TOMM20L: variants seen among roughly 807,000 people sequenced by gnomAD.
TOMM20L encodes the protein translocase of outer mitochondrial membrane 20 like, also known as TOMM20-like protein 1.
TOMM20L carries 19 observed loss-of-function variants against 20.4 expected under a neutral mutation model. That is an observed-to-expected ratio of 0.93 (90% CI 0.65 to 1.36). The LOEUF (loss-of-function observed/expected upper bound fraction) is 1.36. TOMM20L is among the 40% of genes most tolerant of loss of function. TOMM20L has a pLI of 0.00. For missense variants in TOMM20L, 218 were observed against 203.7 expected (o/e 1.07, Z -0.43); for synonymous variants, 75 against 79.6 (o/e 0.94, Z 0.30).
the TOMM20L span, among the ~76,000 whole-genome samples, chr14:58,415,255 T>C: frequency 1.3e-5 from 2 of 152,250 alleles, no homozygotes; most frequent in East Asian, 3.9e-4. Context: ...CCAGATAAAA[T>C]GATTAAATAA....
At chr14:58,409,800 G>C (rs1409968981), downstream of TOMM20L, among the ~76,000 whole-genome samples, 2 of 151,712 alleles carry the variant, frequency 1.3e-5, no homozygotes, top group African/African-American at 2.4e-5. Context: ...GGATGGTCTT[G>C]ATCTCCTGAC....
At chr14:58,410,829 A>T (rs2036191471), downstream of TOMM20L, 3 of 1,580,932 alleles carry the variant, frequency 1.9e-6, no homozygotes, top group Non-Finnish European at 2.6e-6. Context: ...TTTAGTGAGT[A>T]ACACTTTTCA....
chr14:58,408,947 T>G (rs991554121), downstream of TOMM20L: 17 of 1,532,506 alleles, frequency 1.1e-5, no homozygotes, highest in Non-Finnish European at 1.5e-5. Flanking sequence ...GGCTACTGCT[T>G]TCAGGGGATT....
At chr14:58,410,124 T>C (rs1844730584), downstream of TOMM20L, among the ~76,000 whole-genome samples, 2 of 152,166 alleles carry the variant, frequency 1.3e-5, no homozygotes, top group South Asian at 4.2e-4. Context: ...CAGGCTAGAG[T>C]GCAGTGGTGC....
Position 58,401,569 on chromosome 14 carries a change from C to CAA in TOMM20L, c.181-1097_181-1096dup, listed in dbSNP as rs538892715. On this transcript the variant is annotated intron_variant, in intron 2 of 4. Coordinates refer to ENST00000360945, the MANE Select transcript of TOMM20L (RefSeq NM_207377.3). ...TGGGCGACAGAGCAAGACTCTGTCTCAAAAAAAAAAAAAAAGGTGACCCCT... is the reference window on the plus strand; with the variant it reads ...TGGGCGACAGAGCAAGACTCTGTCTCAAAAAAAAAAAAAAAAAGGTGACCCCT... 7.8e-3 allele frequency among the ~76,000 whole-genome samples: 657 copies of CAA among 83,882 alleles called. 6 individuals carry two copies. Among genetic ancestry groups the CAA allele is most frequent in the African/African-American group, 0.024 (603 of 25,600 alleles). The allele number at this position is 83,882 out of a possible 152,430, so 55.0% of individuals were successfully genotyped here.
chr14:58,405,506 AATT>A (rs763033215), intron 3 of TOMM20L, among the ~76,000 whole-genome samples: 30 of 152,224 alleles, frequency 2.0e-4, no homozygotes, highest in Non-Finnish European at 4.0e-4. Context: ...TAAACTGTGA[AATT>A]ATTTAATAGC....
intron 3 of TOMM20L, among the ~76,000 whole-genome samples, chr14:58,404,881 G>C (rs941905295): frequency 6.6e-6 from 1 of 151,942 alleles, no homozygotes; most frequent in Non-Finnish European, 1.5e-5. Flanking sequence ...TGACTTAAAT[G>C]ATTATAAACA....
At chr14:58,414,082 G>A in the TOMM20L span, among the ~76,000 whole-genome samples, 1 of 134,972 alleles carries the variant, frequency 7.4e-6, no homozygotes, top group African/African-American at 2.7e-5. Flanking sequence ...TAAACAGCAT[G>A]TAAAAGGAAA....
At chr14:58,413,715 G>T in the TOMM20L span, among the ~76,000 whole-genome samples, 1 of 152,020 alleles carries the variant, frequency 6.6e-6, no homozygotes. Flanking sequence ...TAAAAGATTT[G>T]TATTTGTATA....
At chr14:58,397,216 T>C (rs1336807373) in intron 2 of TOMM20L, among the ~76,000 whole-genome samples, 4 of 152,152 alleles carry the variant, frequency 2.6e-5, no homozygotes, top group African/African-American at 2.4e-5. Context: ...GATTCTTCAT[T>C]TGTGTGATGG....
chr14:58,410,251 T>C (rs550261314), downstream of TOMM20L, among the ~76,000 whole-genome samples: 11 of 152,094 alleles, frequency 7.2e-5, no homozygotes, highest in Non-Finnish European at 1.3e-4. Flanking sequence ...TTTTTTGTAT[T>C]TTTTGTAAAG....
intron 3 of TOMM20L, among the ~76,000 whole-genome samples, chr14:58,406,139 GCTATAT>G (rs2036054378): frequency 1.3e-5 from 2 of 152,072 alleles, no homozygotes; most frequent in African/African-American, 2.4e-5. Flanking sequence ...CTCAACGGTG[GCTATAT>G]CTATATGAGA....
chr14:58,405,967 C>G (rs1234680310), intron 3 of TOMM20L, among the ~76,000 whole-genome samples: 2 of 152,150 alleles, frequency 1.3e-5, no homozygotes, highest in African/African-American at 2.4e-5. Context: ...AAAAATCTCC[C>G]TGGGTTACTA....
chr14:58,414,329 A>G, the TOMM20L span, among the ~76,000 whole-genome samples: 1 of 152,154 alleles, frequency 6.6e-6, no homozygotes, highest in African/African-American at 2.4e-5. Flanking sequence ...GTATGCCACC[A>G]TCACAAAAAA....
downstream of TOMM20L, among the ~76,000 whole-genome samples, chr14:58,413,364 A>G (rs1362646117): frequency 3.9e-5 from 6 of 152,250 alleles, no homozygotes; most frequent in African/African-American, 1.4e-4. Flanking sequence ...TTAATAGTTA[A>G]CAAACACCAG....
downstream of TOMM20L, chr14:58,409,295 T>TC: frequency 9.7e-7 from 1 of 1,028,156 alleles, no homozygotes; most frequent in South Asian, 1.6e-5. Flanking sequence ...TAAATAGTAC[T>TC]AATTGGCAGC....
chr14:58,408,435 A>G, intron 4 of TOMM20L, 94 bp from the exon 5 acceptor site: 1 of 1,147,962 alleles, frequency 8.7e-7, no homozygotes, highest in Admixed American at 2.3e-5. Context: ...AAAAAAAAGA[A>G]AAGTATATGT....
At chr14:58,405,815 C>A (rs1257596308) in intron 3 of TOMM20L, among the ~76,000 whole-genome samples, 1 of 152,198 alleles carries the variant, frequency 6.6e-6, no homozygotes, top group Non-Finnish European at 1.5e-5. Context: ...CCTAATAGTT[C>A]TTTACAGAAG....
At chr14:58,411,692 G>A (rs1357492640), downstream of TOMM20L, among the ~76,000 whole-genome samples, 1 of 151,688 alleles carries the variant, frequency 6.6e-6, no homozygotes, top group East Asian at 2.0e-4. Flanking sequence ...GTGTGCGCCA[G>A]CACGCCCAGC....
Sources: gnomAD v4.1 joint callset for allele counts (sites outside exome capture counted in the v4.1 genomes callset) on GRCh38, gnomAD v4.1.1 for gene constraint, MANE v1.5 for transcripts, NCBI Gene and HGNC (gene_info 2026-07-23, HGNC 2026-07-21) for gene names.